RHBDD1: variants seen among roughly 807,000 people sequenced by gnomAD.
The protein encoded by RHBDD1 is rhomboid-related protein 4.
Under a neutral mutation model 36.3 loss-of-function variants are expected in RHBDD1, and 38 were observed. The observed-to-expected ratio is 1.05, with a 90% CI of 0.81 to 1.37. The LOEUF (loss-of-function observed/expected upper bound fraction) is 1.37. Ranked by LOEUF, RHBDD1 falls within the 40% of genes most tolerant of loss-of-function variation. The probability of loss-of-function intolerance (pLI) is 0.00; values close to 1 mark genes in which losing one functional copy is unlikely to be tolerated. For synonymous variants in RHBDD1, 151 were observed against 136.5 expected (o/e 1.11, Z -0.74); for missense variants, 393 against 377.6 (o/e 1.04, Z -0.34).
chr2:226,859,980 A>T (rs925812887), intron 3 of RHBDD1, among the ~76,000 whole-genome samples: 3 of 152,052 alleles, frequency 2.0e-5, no homozygotes, highest in Admixed American at 6.5e-5. Flanking sequence ...CTAGAGTAGT[A>T]GCCCTAGAGC....
intron 8 of RHBDD1, among the ~76,000 whole-genome samples, chr2:226,939,374 C>G (rs1332096158): frequency 6.6e-6 from 1 of 152,198 alleles, no homozygotes; most frequent in African/African-American, 2.4e-5. Flanking sequence ...ATCCAGAAAA[C>G]TCCGTCGTCT....
chr2:226,824,715 G>C, the RHBDD1 span, among the ~76,000 whole-genome samples: 2 of 152,140 alleles, frequency 1.3e-5, no homozygotes, highest in Non-Finnish European at 2.9e-5. Context: ...CTTCACCCAA[G>C]ATCTTCTGCC....
intron 8 of RHBDD1, among the ~76,000 whole-genome samples, chr2:226,984,556 A>T (rs1030853944): frequency 5.3e-5 from 8 of 152,138 alleles, no homozygotes; most frequent in Admixed American, 3.3e-4. Flanking sequence ...CAACGTATGG[A>T]TTTTGAGGGA....
chr2:226,967,295 G>A (rs763401117), intron 8 of RHBDD1, among the ~76,000 whole-genome samples: 7 of 152,164 alleles, frequency 4.6e-5, no homozygotes, highest in Non-Finnish European at 7.4e-5. Flanking sequence ...CTGGCTTATA[G>A]GAGGGCTGTT....
At chr2:226,802,985 G>A in the RHBDD1 span, among the ~76,000 whole-genome samples, 1 of 152,218 alleles carries the variant, frequency 6.6e-6, no homozygotes, top group Admixed American at 6.5e-5. Flanking sequence ...TTGGGTGGAT[G>A]TAAAACTAAA....
intron 8 of RHBDD1, among the ~76,000 whole-genome samples, chr2:226,944,335 C>G (rs1180624410): frequency 6.6e-6 from 1 of 152,194 alleles, no homozygotes; most frequent in African/African-American, 2.4e-5. Context: ...ACCTGAGGCT[C>G]TGTGCCCCTA....
intron 5 of RHBDD1, among the ~76,000 whole-genome samples, chr2:226,873,000 CTCT>C (rs1177439427): frequency 3.3e-5 from 5 of 152,130 alleles, no homozygotes; most frequent in Admixed American, 6.5e-5. Flanking sequence ...GAAGTGAGTC[CTCT>C]TCTTACAGTT....
intron 8 of RHBDD1, among the ~76,000 whole-genome samples, chr2:226,919,276 C>T (rs568022592): frequency 2.7e-4 from 41 of 152,146 alleles, no homozygotes; most frequent in African/African-American, 9.1e-4. Context: ...TGTGAGTTGT[C>T]TCTTCACTTT....
chr2:226,819,977 G>GTTTTT, the RHBDD1 span, among the ~76,000 whole-genome samples: 10 of 118,270 alleles, frequency 8.5e-5, no homozygotes, highest in Non-Finnish European at 1.1e-4. Context: ...TATTGTGTGT[G>GTTTTT]TTTTTTTTTT....
At chr2:226,839,033 G>A (rs1247687196) in intron 2 of RHBDD1, among the ~76,000 whole-genome samples, 2 of 152,192 alleles carry the variant, frequency 1.3e-5, no homozygotes, top group Non-Finnish European at 2.9e-5. Flanking sequence ...TGTTAGCCCT[G>A]AAATTGCTAA....
At chr2:226,837,456 T>C (rs1019397645) in intron 1 of RHBDD1, 5 of 152,266 alleles carry the variant, frequency 3.3e-5, no homozygotes, top group Admixed American at 3.3e-4. Flanking sequence ...CAGTGCATAC[T>C]AATGCTATTG....
At chr2:226,917,989 T>A (rs993891707) in intron 8 of RHBDD1, among the ~76,000 whole-genome samples, 14 of 152,162 alleles carry the variant, frequency 9.2e-5, no homozygotes, top group African/African-American at 3.4e-4. Flanking sequence ...ATTGAAAACT[T>A]TGACAAAGAA....
chr2:226,892,692 T>A (rs114879631), intron 5 of RHBDD1, among the ~76,000 whole-genome samples: 1 of 152,214 alleles, frequency 6.6e-6, no homozygotes, highest in Non-Finnish European at 1.5e-5. Flanking sequence ...TAGTCTTGCC[T>A]ACTCTCGAAA....
intron 5 of RHBDD1, among the ~76,000 whole-genome samples, chr2:226,878,965 C>G (rs1409721603): frequency 6.7e-6 from 1 of 150,122 alleles, no homozygotes; most frequent in African/African-American, 2.5e-5. Flanking sequence ...TGAGTCCTAA[C>G]AACAGCACCC....
chr2:226,903,355 C>T (rs1947751823), intron 5 of RHBDD1, among the ~76,000 whole-genome samples: 1 of 152,212 alleles, frequency 6.6e-6, no homozygotes, highest in South Asian at 2.1e-4. Flanking sequence ...CTCACCCCGT[C>T]TCACCCAGGA....
chr2:226,922,984 G>A (rs913565363), intron 8 of RHBDD1, among the ~76,000 whole-genome samples: 6 of 152,238 alleles, frequency 3.9e-5, no homozygotes, highest in Admixed American at 2.0e-4. Context: ...GTTTACGTTT[G>A]AAAAATTGTT....
intron 8 of RHBDD1, among the ~76,000 whole-genome samples, chr2:226,922,649 A>G (rs1199874341): frequency 1.3e-5 from 2 of 151,888 alleles, no homozygotes; most frequent in Non-Finnish European, 2.9e-5. Context: ...TACTCCTACC[A>G]TTTTGTTATT....
chr2:226,966,398 C>T (rs1460350000), intron 8 of RHBDD1, among the ~76,000 whole-genome samples: 1 of 152,266 alleles, frequency 6.6e-6, no homozygotes, highest in Admixed American at 6.5e-5. Context: ...CAACACTGTT[C>T]AGTAGAAGTA....
At chr2:226,979,121 A>G (rs907332778) in intron 8 of RHBDD1, among the ~76,000 whole-genome samples, 21 of 152,166 alleles carry the variant, frequency 1.4e-4, no homozygotes, top group Admixed American at 4.6e-4. Context: ...GCCTCAAAAC[A>G]AAGGAAACCT....
Sources: gnomAD v4.1 joint callset for allele counts (sites outside exome capture counted in the v4.1 genomes callset) on GRCh38, gnomAD v4.1.1 for gene constraint, MANE v1.5 for transcripts, NCBI Gene and HGNC (gene_info 2026-07-23, HGNC 2026-07-21) for gene names.